The following SMURF2 variants were observed in gnomAD, a reference collection of about 807,000 sequenced individuals.
SMURF2 encodes the protein E3 ubiquitin-protein ligase SMURF2.
In SMURF2, 48 loss-of-function variants were observed where a neutral mutation model predicts 109.6. That is an observed-to-expected ratio of 0.44 (90% confidence interval 0.35 to 0.56). SMURF2 has a LOEUF of 0.56. Among genes scored for constraint, SMURF2 ranks in the 20% least tolerant of loss-of-function variants. The pLI is 0.01. For synonymous variants in SMURF2, 288 were observed against 317.1 expected (o/e 0.91, Z 0.97); for missense variants, 575 against 909.0 (o/e 0.63, Z 4.72).
intron 3 of SMURF2, among the ~76,000 whole-genome samples, chr17:64,594,637 C>T (rs1430166734): frequency 6.6e-6 from 1 of 152,084 alleles, no homozygotes; most frequent in Non-Finnish European, 1.5e-5. Flanking sequence ...GCATGTAATT[C>T]CAGAGCCAGA....
At chr17:64,658,183 G>A (rs566127035) in intron 1 of SMURF2, among the ~76,000 whole-genome samples, 6 of 152,040 alleles carry the variant, frequency 3.9e-5, no homozygotes, top group East Asian at 1.9e-4. Flanking sequence ...GGCAAAACCC[G>A]TCTCTACTAA....
chr17:64,637,647 G>A lies in SMURF2; in HGVS notation c.52+24182C>T, dbSNP rs557677095. 4.6e-5 allele frequency among the ~76,000 whole-genome samples: 7 copies of A among 150,844 alleles called. 1 individual carries two copies. In the South Asian group the frequency reaches 1.5e-3, roughly 32 times the overall value. The stretch of plus-strand genomic sequence containing the variant: ...AGTGCGATCTTGGCTCACTGTAACT[G>A]CTGCCTCCCAGGTTCAGGCGATTCT... On this transcript the variant is annotated intron_variant, in intron 1 of 18. Coordinates refer to ENST00000262435, the MANE Select transcript of SMURF2 (RefSeq NM_022739.4).
Position 64,661,960 on chromosome 17 carries a change from G to C in SMURF2, c.-80C>G. The C allele has an allele frequency of 8.8e-7, 1 of 1,130,498 alleles. No individual in the cohort carries two copies. Among genetic ancestry groups the C allele is most frequent in the Non-Finnish European group, 1.1e-6 (1 of 923,518 alleles). The allele number at this position is 1,130,498 out of a possible 1,614,324, so 70.0% of individuals were successfully genotyped here. On this transcript the variant is annotated 5_prime_UTR_variant, in exon 1 of 19. Transcript: ENST00000262435. ...GCGCGGCGGAGTCACCACAGCGGCC[G>C]GGGCTGGGGCCCGAGCAGCCGGCGC...
At chr17:64,586,643 C>G (rs782656108) in intron 5 of SMURF2, among the ~76,000 whole-genome samples, 1 of 146,020 alleles carries the variant, frequency 6.8e-6, no homozygotes, top group African/African-American at 2.5e-5. Flanking sequence ...CCCAGCTTCT[C>G]GGGAGGCTGA....
chr17:64,599,365 A>G (rs1223347093), intron 2 of SMURF2, among the ~76,000 whole-genome samples: 1 of 152,162 alleles, frequency 6.6e-6, no homozygotes, highest in Non-Finnish European at 1.5e-5. Context: ...CTTATTTACT[A>G]CGTGGTCCAA....
chr17:64,566,849 C>T (rs1555685062), intron 10 of SMURF2, among the ~76,000 whole-genome samples: 2 of 146,518 alleles, frequency 1.4e-5, no homozygotes, highest in Non-Finnish European at 3.0e-5. Flanking sequence ...GGATTACAGG[C>T]GTGAGCCATC....
rs201858792 is a variant in SMURF2 at position 64,596,585 on chromosome 17, CAAAAAA to C, written c.200+1791_200+1796del. On this transcript the variant is annotated intron_variant, in intron 3 of 18. Coordinates refer to ENST00000262435, the MANE Select transcript of SMURF2 (RefSeq NM_022739.4). ...AAGTTCACCGAAACAGGAGAGTAAA[CAAAAAA>C]AAAAAAAAAAAAAAAAAAGGAAGTC... 6.7e-3 allele frequency among the ~76,000 whole-genome samples: 304 copies of C among 45,472 alleles called. 2 individuals are homozygous for C. The highest frequency in any genetic ancestry group is 0.022 in the Middle Eastern group (1 of 46). The allele number at this position is 45,472 out of a possible 152,430, so 29.8% of individuals were successfully genotyped here. A position where few individuals can be genotyped will look rare whatever the true frequency, so the allele number is the denominator to read the frequency against.
rs182626898 is a variant in SMURF2 at position 64,580,220 on chromosome 17, G to A, written c.772+569C>T. 2.6e-5 allele frequency among the ~76,000 whole-genome samples: 4 copies of A among 152,284 alleles called. No homozygotes were observed. In the East Asian group the frequency reaches 7.7e-4, roughly 29 times the overall value. ...TAGAAACTTCCGTATTCTATTAGGAGAAGACTCATGTTATCTTCCACATGA... is the reference window on the plus strand; with the variant it reads ...TAGAAACTTCCGTATTCTATTAGGAAAAGACTCATGTTATCTTCCACATGA... On this transcript the variant is annotated intron_variant, in intron 8 of 18. Coordinates refer to ENST00000262435, the MANE Select transcript of SMURF2 (RefSeq NM_022739.4).
intron 2 of SMURF2, among the ~76,000 whole-genome samples, chr17:64,599,031 A>T (rs1382744560): frequency 6.6e-6 from 1 of 152,258 alleles, no homozygotes. Flanking sequence ...TTGGAAAAAT[A>T]AAAATACTAT....
At chr17:64,588,055 A>C (rs1199992378) in intron 5 of SMURF2, among the ~76,000 whole-genome samples, 4 of 151,918 alleles carry the variant, frequency 2.6e-5, no homozygotes, top group East Asian at 1.9e-4. Flanking sequence ...GAAAAAAAAA[A>C]ACAAGTAACA....
chr17:64,578,103 G>A (rs1439905036), intron 9 of SMURF2, among the ~76,000 whole-genome samples: 3 of 151,850 alleles, frequency 2.0e-5, no homozygotes, highest in Admixed American at 1.3e-4. Context: ...GCGCCACCAC[G>A]CCCAGCTCAT....
rs1969404275 is a variant in SMURF2, at chr17:64,571,911, A to C, written c.903T>G (p.Pro301=). Residue 301 remains proline, a synonymous_variant, in exon 10 of 19, where the codon CCT becomes CCG. Transcript: ENST00000262435. ...TTGCCGTATTACGGATCTCCCATCC[A>C]GGAGGCAATGGACCAAGCTCTTCAC... The part of the protein sequence containing the change: ...INCEELGPLP[P]GWEIRNTATG... 6.2e-7 allele frequency: 1 copy of C among 1,613,974 alleles called. No individual in the cohort carries two copies. The highest frequency in any genetic ancestry group is 1.3e-5 in the African/African-American group (1 of 75,058).
At chr17:64,623,878 A>T (rs1555690879) in intron 1 of SMURF2, among the ~76,000 whole-genome samples, 1 of 152,226 alleles carries the variant, frequency 6.6e-6, no homozygotes, top group Non-Finnish European at 1.5e-5. Context: ...TTCCTTGACA[A>T]ATCTATACGT....
chr17:64,573,778 T>C (rs939539284), intron 9 of SMURF2, among the ~76,000 whole-genome samples: 3 of 152,156 alleles, frequency 2.0e-5, no homozygotes, highest in African/African-American at 7.2e-5. Flanking sequence ...GCTGGGATTA[T>C]AGGCATGAGC....
intron 1 of SMURF2, among the ~76,000 whole-genome samples, chr17:64,617,033 C>T (rs1356342795): frequency 1.5e-5 from 2 of 135,888 alleles, no homozygotes; most frequent in African/African-American, 5.6e-5. Flanking sequence ...CACCACTGCA[C>T]TCTAGCCTGG....
chr17:64,629,043 C>T (rs2144705438), intron 1 of SMURF2, among the ~76,000 whole-genome samples: 1 of 152,256 alleles, frequency 6.6e-6, no homozygotes, highest in Non-Finnish European at 1.5e-5. Flanking sequence ...TCCCTAAACC[C>T]ACTAAAAAGA....
chr17:64,583,662 C>T, intron 6 of SMURF2, 118 bp from the exon 7 acceptor site: 1 of 687,888 alleles, frequency 1.5e-6, no homozygotes, highest in South Asian at 1.7e-5. Context: ...AGTATCAATT[C>T]ACAGAATATA....
chr17:64,603,170 CT>C (rs1447347719), intron 2 of SMURF2, among the ~76,000 whole-genome samples: 1 of 150,460 alleles, frequency 6.6e-6, no homozygotes, highest in African/African-American at 2.4e-5. Flanking sequence ...TTTTAAATGA[CT>C]TCAATTTGGC....
intron 1 of SMURF2, among the ~76,000 whole-genome samples, chr17:64,613,672 CAGTGTGTGTGTGTGTGTG>C (rs1315994721): frequency 3.7e-5 from 2 of 53,690 alleles, no homozygotes; most frequent in African/African-American, 1.5e-4. Flanking sequence ...TTCCACGGAC[CAGTGTGTGTGTGTGTGTG>C]TGTGTGTGTG....
Sources: allele counts gnomAD v4.1 joint callset (sites outside exome capture counted in the v4.1 genomes callset), GRCh38; gene constraint gnomAD v4.1.1; transcripts MANE v1.5; gene names NCBI Gene and HGNC (gene_info 2026-07-23, HGNC 2026-07-21).